Variants in OSBPL6 observed in about 807,000 individuals in gnomAD.
OSBPL6 encodes oxysterol binding protein like 6.
A neutral mutation model predicts 125.8 loss-of-function variants in OSBPL6; 49 were observed. That is an observed-to-expected ratio of 0.39 (90% confidence interval 0.31 to 0.49). The LOEUF (loss-of-function observed/expected upper bound fraction) is 0.49. Ranked by LOEUF, OSBPL6 falls within the 20% of genes least tolerant of loss-of-function variation. OSBPL6 has a pLI of 0.88. For missense variants in OSBPL6, 986 were observed against 1,135.4 expected (o/e 0.87, Z 1.89); for synonymous variants, 394 against 391.8 (o/e 1.01, Z -0.07).
In OSBPL6 at chr2:178,368,726, T is replaced by A. The variant is rs183748903; in HGVS notation, c.1288-3400T>A. 2.2e-4 allele frequency among the ~76,000 whole-genome samples: 33 copies of A among 152,010 alleles called. 1 individual carries two copies. In the East Asian group the frequency reaches 5.6e-3, roughly 26 times the overall value. ...AAATAGTTTTGAAGTTTGAAAAAAA[T>A]TTACATTAAAAAATTAAATGTAAAA... On this transcript the variant is annotated intron_variant, in intron 13 of 24. Coordinates refer to ENST00000190611, the MANE Select transcript of OSBPL6 (RefSeq NM_032523.4).
At chr2:178,308,423 T>C (rs1356629832) in intron 3 of OSBPL6, among the ~76,000 whole-genome samples, 1 of 152,252 alleles carries the variant, frequency 6.6e-6, no homozygotes, top group Non-Finnish European at 1.5e-5. Flanking sequence ...ATCCTTTCCA[T>C]TCTCCTGATT....
At chr2:178,296,168 A>G (rs1685732341) in intron 2 of OSBPL6, among the ~76,000 whole-genome samples, 2 of 152,166 alleles carry the variant, frequency 1.3e-5, no homozygotes, top group African/African-American at 4.8e-5. Context: ...CCACCCTCAG[A>G]GGTTTTGATT....
chr2:178,394,331 T>C lies in OSBPL6; in HGVS notation c.2592T>C (p.Asn864=), dbSNP rs1442370330. 7.4e-6 allele frequency: 12 copies of C among 1,612,864 alleles called. No individual in the cohort carries two copies. The highest frequency in any genetic ancestry group is 1.0e-5 in the Non-Finnish European group (12 of 1,179,716). Residue 864 remains asparagine, a synonymous_variant, in exon 24 of 25, where the codon AAT becomes AAC. Transcript: ENST00000190611. ...TGCTTAGATTTTTGGAAGAAGGAAA[T>C]TTAGAAGCTGCAGCATCAGAGAAGC... is the stretch of plus-strand genomic sequence containing the variant. The part of the protein sequence containing the change: ...RPDQRFLEEG[N]LEAAASEKQR...
intron 1 of OSBPL6, among the ~76,000 whole-genome samples, chr2:178,225,472 A>G (rs1163513793): frequency 6.6e-6 from 1 of 152,186 alleles, no homozygotes; most frequent in Non-Finnish European, 1.5e-5. Context: ...TCTGGATTTC[A>G]GACCCTTGAG....
In OSBPL6 at chr2:178,206,530, C is replaced by T. The variant is rs906457311; in HGVS notation, c.-351+11856C>T. Reference sequence around the variant, plus strand: ...AGAAAATTTGATTTATGTTGAATCACTTACCATAGGGTTTAGTTTACTTAC... The same window carrying T: ...AGAAAATTTGATTTATGTTGAATCATTTACCATAGGGTTTAGTTTACTTAC... On this transcript the variant is annotated intron_variant, in intron 1 of 24. Coordinates refer to ENST00000190611, the MANE Select transcript of OSBPL6 (RefSeq NM_032523.4). Among the ~76,000 whole-genome samples the T allele has an allele frequency of 2.6e-5, 4 of 152,342 alleles. No individual in the cohort carries two copies. In the East Asian group the frequency reaches 7.7e-4, roughly 29 times the overall value.
chr2:178,272,341 AT>A (rs1416169490), intron 1 of OSBPL6, among the ~76,000 whole-genome samples: 1 of 152,084 alleles, frequency 6.6e-6, no homozygotes, highest in Non-Finnish European at 1.5e-5. Flanking sequence ...AGACTATGTA[AT>A]TTTTGCATTT....
At chr2:178,252,417 T>C (rs1321001298) in intron 1 of OSBPL6, among the ~76,000 whole-genome samples, 1 of 151,574 alleles carries the variant, frequency 6.6e-6, no homozygotes, top group East Asian at 1.9e-4. Context: ...ATAAAACTTT[T>C]ATTGTAAAAT....
intron 4 of OSBPL6, among the ~76,000 whole-genome samples, chr2:178,325,063 C>T (rs1688578142): frequency 6.6e-6 from 1 of 152,170 alleles, no homozygotes; most frequent in South Asian, 2.1e-4. Context: ...CCTGCTCTTC[C>T]TCAGACTGGG....
intron 12 of OSBPL6, among the ~76,000 whole-genome samples, chr2:178,352,342 G>A (rs1691338393): frequency 6.6e-6 from 1 of 152,202 alleles, no homozygotes; most frequent in African/African-American, 2.4e-5. Context: ...ACCGAGGGAA[G>A]CCATGACAGA....
chr2:178,392,700 A>G (rs1370203044), intron 23 of OSBPL6, among the ~76,000 whole-genome samples, 162 bp downstream of exon 23: 1 of 152,096 alleles, frequency 6.6e-6, no homozygotes, highest in African/African-American at 2.4e-5. Context: ...TCTAAAAAAA[A>G]AGAATTAAAA....
chr2:178,252,178 A>G (rs1286553326), intron 1 of OSBPL6, among the ~76,000 whole-genome samples: 1 of 26,630 alleles, frequency 3.8e-5, no homozygotes, highest in Non-Finnish European at 7.4e-5. Flanking sequence ...TAAAAATGGT[A>G]TAATTGTTAG....
At chr2:178,327,437 G>A (rs985814279) in intron 4 of OSBPL6, among the ~76,000 whole-genome samples, 2 of 152,090 alleles carry the variant, frequency 1.3e-5, no homozygotes, top group African/African-American at 4.8e-5. Flanking sequence ...AAATATAGTG[G>A]ATATCTCTCT....
chr2:178,348,149 A>G (rs1234800229), intron 11 of OSBPL6, among the ~76,000 whole-genome samples: 1 of 152,144 alleles, frequency 6.6e-6, no homozygotes, highest in Non-Finnish European at 1.5e-5. Flanking sequence ...AAAAACCAAA[A>G]AATTAAAAAA....
intron 1 of OSBPL6, among the ~76,000 whole-genome samples, chr2:178,266,661 C>A (rs185097582): frequency 8.5e-4 from 130 of 152,272 alleles, no homozygotes; most frequent in African/African-American, 2.8e-3. Context: ...GAGCACCGCC[C>A]CTCACAGTCT....
At chr2:178,229,933 T>G (rs112663031) in intron 1 of OSBPL6, among the ~76,000 whole-genome samples, 3 of 152,354 alleles carry the variant, frequency 2.0e-5, no homozygotes, top group African/African-American at 7.2e-5. Context: ...TCCAGGTGAT[T>G]CTGATCTACA....
chr2:178,384,566 C>T (rs1694766788), intron 18 of OSBPL6, among the ~76,000 whole-genome samples: 1 of 152,166 alleles, frequency 6.6e-6, no homozygotes, highest in East Asian at 1.9e-4. Flanking sequence ...CTCTGATCAG[C>T]CTTTCACTGA....
chr2:178,282,744 C>T (rs776790988), intron 1 of OSBPL6, among the ~76,000 whole-genome samples: 13 of 152,152 alleles, frequency 8.5e-5, no homozygotes, highest in Non-Finnish European at 1.9e-4. Flanking sequence ...TTCTACCTCC[C>T]GGTTTCAAGC....
chr2:178,395,679 T>G lies in OSBPL6; in HGVS notation c.*120T>G. On this transcript the variant is annotated 3_prime_UTR_variant, in exon 25 of 25. Coordinates refer to ENST00000190611, the MANE Select transcript of OSBPL6 (RefSeq NM_032523.4). ...CAACTGAAAACCTACCATTTGCTTT[T>G]CTATTCATCTTTATAATGGACTTTC... 1.3e-6 allele frequency: 1 copy of G among 743,358 alleles called. No individual in the cohort carries two copies. Among genetic ancestry groups the G allele is most frequent in the Non-Finnish European group, 2.2e-6 (1 of 449,268 alleles). The allele number at this position is 743,358 out of a possible 1,614,324, so 46.0% of individuals were successfully genotyped here. A position where few individuals can be genotyped will look rare whatever the true frequency, so the allele number is the denominator to read the frequency against.
intron 1 of OSBPL6, among the ~76,000 whole-genome samples, chr2:178,238,669 T>C (rs113278707): frequency 2.0e-5 from 3 of 152,288 alleles, no homozygotes; most frequent in African/African-American, 7.2e-5. Context: ...GCCATAATAC[T>C]TGATAGATGC....
Sources: allele counts gnomAD v4.1 joint callset (sites outside exome capture counted in the v4.1 genomes callset), GRCh38; gene constraint gnomAD v4.1.1; transcripts MANE v1.5; gene names NCBI Gene and HGNC (gene_info 2026-07-23, HGNC 2026-07-21).